The following ITGB1 variants were observed in gnomAD, a reference collection of about 807,000 sequenced individuals.
ITGB1 encodes integrin subunit beta 1.
Under a neutral mutation model 86.5 loss-of-function variants are expected in ITGB1, and 24 were observed. The ratio of observed to expected loss-of-function variants is 0.28; its 90% confidence interval spans 0.20 to 0.39. ITGB1 has a LOEUF of 0.39. Among genes scored for constraint, ITGB1 ranks in the 10% least tolerant of loss-of-function variants. The pLI is 1.00. For synonymous variants in ITGB1, 323 were observed against 316.8 expected (o/e 1.02, Z -0.21); for missense variants, 556 against 946.9 (o/e 0.59, Z 5.42).
chr10:32,923,565 G>T lies in ITGB1; in HGVS notation c.942+20C>A. On this transcript the variant is annotated intron_variant, in intron 7 of 15. Coordinates refer to ENST00000302278, the MANE Select transcript of ITGB1 (RefSeq NM_002211.4). The stretch of plus-strand genomic sequence containing the variant: ...AATCCAACATAAACACATTCACTAT[G>T]TAAGGAACCAGGCACTTACATAATA... 1 of 1,596,128 alleles carries T rather than the reference G, an allele frequency of 6.3e-7. No homozygotes were observed. The highest frequency in any genetic ancestry group is 8.6e-7 in the Non-Finnish European group (1 of 1,167,906).
At position 32,907,265 on chromosome 10, in the gene ITGB1, A is replaced by T. The variant is rs576732173; in HGVS notation, c.2331+1103T>A. 9.6e-3 allele frequency: 3,042 copies of T among 318,348 alleles called. 21 individuals are homozygous for T. Among genetic ancestry groups the T allele is most frequent in the Middle Eastern group, 0.031 (26 of 838 alleles). The allele number at this position is 318,348 out of a possible 1,614,324, so 19.7% of individuals were successfully genotyped here. ...CCTTCTGAAATTTGTAATTTAAAAA[A>T]TTGATAATTTTTAAAAACCCAAGCA... On this transcript the variant is annotated intron_variant, in intron 15 of 15. Transcript: ENST00000302278.
At chr10:32,905,313 A>G (rs1315679222) in intron 15 of ITGB1, among the ~76,000 whole-genome samples, 2 of 152,228 alleles carry the variant, frequency 1.3e-5, no homozygotes, top group Non-Finnish European at 2.9e-5. Flanking sequence ...ACTATTAAAC[A>G]TTCCTGTACT....
intron 14 of ITGB1, among the ~76,000 whole-genome samples, chr10:32,908,735 ATAATT>A (rs111367664): frequency 1.5e-4 from 22 of 151,656 alleles, no homozygotes; most frequent in African/African-American, 5.1e-4. Context: ...TTCTATATAT[ATAATT>A]TATTTCTACA....
chr10:32,933,219 TCTTC>T (rs1244416656), intron 2 of ITGB1: 5 of 152,180 alleles, frequency 3.3e-5, no homozygotes, highest in African/African-American at 1.2e-4. Flanking sequence ...ACATAAGTTA[TCTTC>T]CTTGTCTTCT....
intron 3 of ITGB1, among the ~76,000 whole-genome samples, chr10:32,931,902 G>T (rs977108610): frequency 6.6e-6 from 1 of 152,052 alleles, no homozygotes; most frequent in Admixed American, 6.5e-5. Flanking sequence ...AGTAGGCTTT[G>T]TGGAAGGTAC....
intron 11 of ITGB1, among the ~76,000 whole-genome samples, chr10:32,919,274 A>C (rs963362315): frequency 6.6e-6 from 1 of 152,220 alleles, no homozygotes; most frequent in Non-Finnish European, 1.5e-5. Flanking sequence ...GCGGTATTCA[A>C]TGTATACTCA....
At chr10:32,936,589 A>G (rs181473228) in intron 1 of ITGB1, among the ~76,000 whole-genome samples, 1 of 152,286 alleles carries the variant, frequency 6.6e-6, no homozygotes, top group Admixed American at 6.5e-5. Context: ...AGAACCTCTA[A>G]CCAAAAAATT....
At chr10:32,941,430 G>A (rs1406585459) in intron 1 of ITGB1, among the ~76,000 whole-genome samples, 1 of 152,096 alleles carries the variant, frequency 6.6e-6, no homozygotes, top group African/African-American at 2.4e-5. Flanking sequence ...ATATCAGAAA[G>A]GCCAAAAGGA....
intron 2 of ITGB1, among the ~76,000 whole-genome samples, chr10:32,934,149 C>T (rs1415958147): frequency 1.3e-5 from 2 of 152,120 alleles, no homozygotes; most frequent in African/African-American, 4.8e-5. Context: ...TCTCTATACA[C>T]ACTAATTTCT....
intron 11 of ITGB1, among the ~76,000 whole-genome samples, chr10:32,915,590 T>C (rs1433332023): frequency 6.6e-6 from 1 of 152,060 alleles, no homozygotes; most frequent in African/African-American, 2.4e-5. Flanking sequence ...CCTGGACAAA[T>C]ACACCCTCCC....
chr10:32,912,184 G>A, intron 11 of ITGB1, 60 bp from the exon 12 acceptor site: 2 of 1,423,994 alleles, frequency 1.4e-6, no homozygotes, highest in Non-Finnish European at 2.0e-6. Flanking sequence ...GAGGTTCCAA[G>A]ATGGCCAAAC....
intron 15 of ITGB1, chr10:32,907,199 T>C: frequency 1.4e-6 from 1 of 734,676 alleles, no homozygotes; most frequent in Non-Finnish European, 2.2e-6. Flanking sequence ...AATCCCTTTA[T>C]AGTGTTTGAA....
chr10:32,907,146 A>G (rs2094898858), intron 15 of ITGB1: 2 of 1,229,738 alleles, frequency 1.6e-6, no homozygotes, highest in African/African-American at 1.5e-5. Flanking sequence ...TTTTCTTGCT[A>G]AAGTAAAAGA....
rs199744104 is a variant in ITGB1 at position 32,907,086 on chromosome 10, G to A, written c.2331+1282C>T. Reference sequence around the variant, plus strand: ...ACGGCAATTTAGAGACCAGCTTTACGTCCGTAGTTTGGATTCTTGAAATTA... The same window carrying A: ...ACGGCAATTTAGAGACCAGCTTTACATCCGTAGTTTGGATTCTTGAAATTA... On this transcript the variant is annotated intron_variant, in intron 15 of 15. Coordinates refer to ENST00000302278, the MANE Select transcript of ITGB1 (RefSeq NM_002211.4). The A allele has an allele frequency of 1.1e-4, 155 of 1,359,022 alleles. No homozygotes were observed. In the Admixed American group the frequency reaches 3.0e-3, roughly 26 times the overall value. 84.2% of individuals were successfully genotyped at this position (1,359,022 alleles called of 1,614,324 possible). A position where few individuals can be genotyped will look rare whatever the true frequency, so the allele number is the denominator to read the frequency against.
intron 1 of ITGB1, among the ~76,000 whole-genome samples, chr10:32,948,579 A>T (rs2095036673): frequency 6.6e-6 from 1 of 152,128 alleles, no homozygotes; most frequent in Admixed American, 6.5e-5. Context: ...TGGGACTTTT[A>T]AGAGGTGATA....
At chr10:32,938,404 T>A (rs185988974) in intron 1 of ITGB1, among the ~76,000 whole-genome samples, 1 of 152,340 alleles carries the variant, frequency 6.6e-6, no homozygotes, top group Admixed American at 6.5e-5. Flanking sequence ...GGCTGTTTAA[T>A]GATCACTAGA....
At chr10:32,902,474 T>C (rs905300121) in intron 15 of ITGB1, among the ~76,000 whole-genome samples, 2 of 152,234 alleles carry the variant, frequency 1.3e-5, no homozygotes, top group East Asian at 1.9e-4. Context: ...AGCATTCTTT[T>C]TTCTCCTGTT....
At chr10:32,912,392 C>A (rs568235454) in intron 11 of ITGB1, among the ~76,000 whole-genome samples, 44 of 152,306 alleles carry the variant, frequency 2.9e-4, no homozygotes, top group Middle Eastern at 3.4e-3. Flanking sequence ...CCTTTCCTAG[C>A]CAAGGGAAGC....
chr10:32,926,985 C>T (rs1406284552), intron 5 of ITGB1, among the ~76,000 whole-genome samples: 1 of 152,134 alleles, frequency 6.6e-6, no homozygotes, highest in East Asian at 1.9e-4. Context: ...GGACTAAGAC[C>T]TAAGACAATC....
Sources: gnomAD v4.1 joint callset for allele counts (sites outside exome capture counted in the v4.1 genomes callset) on GRCh38, gnomAD v4.1.1 for gene constraint, MANE v1.5 for transcripts, NCBI Gene and HGNC (gene_info 2026-07-23, HGNC 2026-07-21) for gene names.